NLRP2: variants seen among roughly 807,000 people sequenced by gnomAD.
The protein encoded by NLRP2 is NACHT, LRR and PYD domains-containing protein 2.
In NLRP2, 107 loss-of-function variants were observed where a neutral mutation model predicts 97.2. That is an observed-to-expected ratio of 1.10 (90% CI 0.94 to 1.29). The LOEUF is 1.29. NLRP2 is among the 50% of genes most tolerant of loss of function. The pLI, the probability that NLRP2 is intolerant of heterozygous loss-of-function variation, is 0.00. For missense variants in NLRP2, 1,495 were observed against 1,330.3 expected, an observed-to-expected ratio of 1.12 and a Z score of -1.93; for synonymous variants, 663 against 551.5, an observed-to-expected ratio of 1.20 and a Z score of -2.83.
At chr19:54,998,611 C>CTTTTTTTTTTTTTTTTTTTTTTT (rs375510249) in intron 12 of NLRP2, among the ~76,000 whole-genome samples, 1 of 42,198 alleles carries the variant, frequency 2.4e-5, no homozygotes, top group Non-Finnish European at 4.6e-5. Context: ...CATCTTTTTT[C>CTTTTTTTTTTTTTTTTTTTTTTT]TTTTTTTTTT....
intron 1 of NLRP2, among the ~76,000 whole-genome samples, chr19:54,966,681 G>T (rs528492532): frequency 1.3e-5 from 2 of 152,030 alleles, no homozygotes; most frequent in African/African-American, 4.8e-5. Context: ...GAGTAGCTGA[G>T]ACTACAGGCA....
Position 54,990,626 on chromosome 19 carries a change from CTG to C in NLRP2, c.2667_2668del (p.Cys889Ter). On this transcript the variant is annotated frameshift_variant, in exon 10 of 13. Transcript: ENST00000448584. LOFTEE classifies it high-confidence loss of function. Reference sequence around the variant, plus strand: ...CATTGGGAATACAGGGGTGAAGTTTCTGTGTGAGGGCTTGAGGTACCCCGAGT... The same window carrying C: ...CATTGGGAATACAGGGGTGAAGTTTCTGTGAGGGCTTGAGGTACCCCGAGT... ...NPIGNTGVKFLCEGLRYPECK... is the reference protein window; with the variant it reads ...NPIGNTGVKFXCEGLRYPECK... The C allele has an allele frequency of 1.2e-5, 20 of 1,614,126 alleles. No homozygotes were observed. Among genetic ancestry groups the C allele is most frequent in the Non-Finnish European group, 1.6e-5 (19 of 1,180,038 alleles).
At chr19:54,978,518 T>G (rs2071386454) in intron 4 of NLRP2, among the ~76,000 whole-genome samples, 1 of 152,056 alleles carries the variant, frequency 6.6e-6, no homozygotes, top group African/African-American at 2.4e-5. Flanking sequence ...GTGCTGGGAT[T>G]ACAGGCGAGA....
chr19:54,986,884 CTTTTTCT>C (rs1317493743), intron 8 of NLRP2, among the ~76,000 whole-genome samples: 4 of 150,764 alleles, frequency 2.7e-5, no homozygotes, highest in Admixed American at 1.3e-4. Flanking sequence ...TTGGTTTTTT[CTTTTTCT>C]TTTTTCTTTT....
In NLRP2 at chr19:54,985,082, C is replaced by T. The variant is rs775920834; in HGVS notation, c.2066C>T (p.Thr689Met). The T allele has an allele frequency of 1.2e-5, 19 of 1,613,996 alleles. No individual in the cohort carries two copies. The highest frequency in any genetic ancestry group is 5.3e-5 in the African/African-American group (4 of 74,924). The change falls in exon 7 of 13, where the codon ACG becomes ATG. Residue 689 changes from threonine to methionine, a missense_variant. Physicochemically the swap from Thr to Met is moderately conservative, Grantham distance 81. Coordinates refer to ENST00000448584, the MANE Select transcript of NLRP2 (RefSeq NM_017852.5). ...QDDQHMLPFW[T>M]DLCSIFGSNK... is the part of the protein sequence containing the mutation. Reference sequence around the variant, plus strand: ...GATCAGCACATGCTTCCTTTCTGGACGGACCTTTGTTCCATATTTGGATCA... The same window carrying T: ...GATCAGCACATGCTTCCTTTCTGGATGGACCTTTGTTCCATATTTGGATCA...
At chr19:54,994,902 C>G (rs2072720321) in intron 11 of NLRP2, among the ~76,000 whole-genome samples, 1 of 151,548 alleles carries the variant, frequency 6.6e-6, no homozygotes, top group African/African-American at 2.4e-5. Context: ...AGCCACTGCG[C>G]CAGGCCCTAT....
At chr19:54,997,617 C>G in intron 12 of NLRP2, 130 bp downstream of exon 12, 1 of 956,712 alleles carries the variant, frequency 1.0e-6, no homozygotes, top group East Asian at 2.4e-5. Context: ...CACACCCAGC[C>G]AATTTCTGTA....
chr19:54,982,875 C>T lies in NLRP2; in HGVS notation c.1177C>T (p.Gln393Ter). ...AATGAGGAGCAACGCGGCCCTGTTCCAGCTGGGCTCGGCCCCCGCGGTGTG... is the reference window on the plus strand; with the variant it reads ...AATGAGGAGCAACGCGGCCCTGTTCTAGCTGGGCTCGGCCCCCGCGGTGTG... ...ELMRSNAALF[Q>*]LGSAPAVCWI... is the part of the protein sequence containing the mutation. The change falls in exon 6 of 13, where the codon CAG becomes TAG. Residue 393 changes from glutamine (Q) to a stop codon, truncating the protein, a stop_gained. Transcript: ENST00000448584. LOFTEE classifies it high-confidence loss of function. 6.2e-7 allele frequency: 1 copy of T among 1,613,088 alleles called. No individual in the cohort carries two copies. Among genetic ancestry groups the T allele is most frequent in the Non-Finnish European group, 8.5e-7 (1 of 1,179,986 alleles).
At chr19:55,000,660 C>T in intron 12 of NLRP2, 100 bp from the exon 13 acceptor site, 1 of 1,198,622 alleles carries the variant, frequency 8.3e-7, no homozygotes. Context: ...AAAGGTGACC[C>T]ATGCCCTGTG....
At chr19:54,987,534 G>T (rs1003400323) in intron 8 of NLRP2, among the ~76,000 whole-genome samples, 1 of 152,188 alleles carries the variant, frequency 6.6e-6, no homozygotes, top group South Asian at 2.1e-4. Context: ...TTGAGGTCAG[G>T]AGTTCAAGAC....
chr19:54,967,519 G>A (rs897683125), intron 1 of NLRP2, among the ~76,000 whole-genome samples: 7 of 152,012 alleles, frequency 4.6e-5, no homozygotes, highest in Admixed American at 2.6e-4. Context: ...GTTCTGACTG[G>A]GGAAAGAGTA....
intron 7 of NLRP2, among the ~76,000 whole-genome samples, chr19:54,985,703 A>AAAAAAG (rs1568510063): frequency 7.1e-6 from 1 of 140,178 alleles, no homozygotes; most frequent in African/African-American, 3.2e-5. Context: ...AAAAAAGAAA[A>AAAAAAG]AGAAAAAAAG....
In NLRP2 at chr19:54,983,446, A is replaced by G. The variant is rs141442342; in HGVS notation, c.1748A>G (p.Gln583Arg). ...FGCRMSPDIK[Q>R]ELLRCDISCK... ...TGCCGGATGTCACCGGACATCAAAC[A>G]GGAATTGCTGCGATGCGACATAAGT... Residue 583 changes from glutamine (Q) to arginine (R), a missense_variant, in exon 6 of 13, where the codon CAG (glutamine) becomes CGG (arginine). Coordinates refer to ENST00000448584, the MANE Select transcript of NLRP2 (RefSeq NM_017852.5). 59 of 1,614,224 alleles carry G rather than the reference A, an allele frequency of 3.7e-5. 1 individual carries two copies. The South Asian group carries it at 5.7e-4, about 16-fold the overall frequency.
chr19:54,986,340 C>T (rs372614401), intron 8 of NLRP2, 25 bp downstream of exon 8: 4 of 1,603,902 alleles, frequency 2.5e-6, no homozygotes, highest in African/African-American at 1.3e-5. Context: ...CATTAAAATC[C>T]TTCATCATAC....
chr19:54,967,955 G>C (rs1354391618), intron 1 of NLRP2, among the ~76,000 whole-genome samples: 2 of 131,636 alleles, frequency 1.5e-5, no homozygotes, highest in African/African-American at 5.9e-5. Flanking sequence ...GTCTAGCTCT[G>C]TTTCCCAGGC....
intron 11 of NLRP2, among the ~76,000 whole-genome samples, chr19:54,994,751 C>T (rs1487838483): frequency 6.6e-6 from 1 of 151,782 alleles, no homozygotes; most frequent in Non-Finnish European, 1.5e-5. Flanking sequence ...GCTGGGATTA[C>T]AGGCGCCCGC....
chr19:54,986,429 T>A, intron 8 of NLRP2, 114 bp downstream of exon 8: 1 of 909,026 alleles, frequency 1.1e-6, no homozygotes, highest in Non-Finnish European at 1.8e-6. Context: ...GAAACAGTAC[T>A]AAGGGCAGAT....
At chr19:54,999,063 G>A (rs1261704089) in intron 12 of NLRP2, among the ~76,000 whole-genome samples, 2 of 148,146 alleles carry the variant, frequency 1.4e-5, no homozygotes, top group East Asian at 3.9e-4. Context: ...CCGGTTAGAG[G>A]GGCTCCTCAC....
Position 55,000,973 on chromosome 19 carries a change from C to A in NLRP2, c.*75C>A. On this transcript the variant is annotated 3_prime_UTR_variant, in exon 13 of 13. Transcript: ENST00000448584. Reference sequence around the variant, plus strand: ...TGGTGAACTGCCTGTGACTCCTCTCCTCCCCGGCCCCTACCCCTCAGGGAT... The same window carrying A: ...TGGTGAACTGCCTGTGACTCCTCTCATCCCCGGCCCCTACCCCTCAGGGAT... The A allele has an allele frequency of 7.3e-7, 1 of 1,360,702 alleles. No homozygotes were observed. The highest frequency in any genetic ancestry group is 1.0e-6 in the Non-Finnish European group (1 of 953,504). The allele number at this position is 1,360,702 out of a possible 1,614,324, so 84.3% of individuals were successfully genotyped here. A position where few individuals can be genotyped will look rare whatever the true frequency, so the allele number is the denominator to read the frequency against.
Sources: gnomAD v4.1 joint callset for allele counts (sites outside exome capture counted in the v4.1 genomes callset) on GRCh38, gnomAD v4.1.1 for gene constraint, MANE v1.5 for transcripts, NCBI Gene and HGNC (gene_info 2026-07-23, HGNC 2026-07-21) for gene names.